The following BRD10 variants were observed in gnomAD, a reference collection of about 807,000 sequenced individuals.
BRD10 encodes bromodomain containing 10.
the BRD10 span, among the ~76,000 whole-genome samples, chr9:5,942,564 T>A: frequency 0.24 from 37,042 of 152,098 alleles, 4,674 homozygotes; most frequent in South Asian, 0.34. Context: ...TATTTGCTTT[T>A]TGCTATGTGG....
chr9:5,894,545 GTC>G, the BRD10 span, among the ~76,000 whole-genome samples: 1 of 152,190 alleles, frequency 6.6e-6, no homozygotes, highest in African/African-American at 2.4e-5. The surrounding 1 kb of genome is among the most constrained non-coding windows in gnomAD (Gnocchi z 4.0). Flanking sequence ...TGGTTCTGGT[GTC>G]TCAAGAGCTT....
At chr9:5,969,166 T>C in the BRD10 span, 1 of 1,613,746 alleles carries the variant, frequency 6.2e-7, no homozygotes, top group Non-Finnish European at 8.5e-7. Flanking sequence ...GTAAGGTAGG[T>C]CTGCGATGGG....
chr9:5,929,776 A>G, the BRD10 span, among the ~76,000 whole-genome samples: 1 of 152,118 alleles, frequency 6.6e-6, no homozygotes, highest in Admixed American at 6.5e-5. Flanking sequence ...ATCTAGAGAG[A>G]GCTCTAGCAT....
At chr9:6,005,508 A>AAAAT in the BRD10 span, among the ~76,000 whole-genome samples, 5 of 152,228 alleles carry the variant, frequency 3.3e-5, no homozygotes, top group Admixed American at 6.5e-5. Flanking sequence ...CAGAGAAAAT[A>AAAAT]AAATAAATAA....
At chr9:5,973,640 G>A in the BRD10 span, among the ~76,000 whole-genome samples, 1 of 152,158 alleles carries the variant, frequency 6.6e-6, no homozygotes, top group Admixed American at 6.5e-5. Context: ...TGTAATCCCA[G>A]CATTTTGGGA....
chr9:5,949,868 C>T, the BRD10 span, among the ~76,000 whole-genome samples: 1 of 152,040 alleles, frequency 6.6e-6, no homozygotes, highest in Admixed American at 6.6e-5. Context: ...ATTAGGAAAA[C>T]TGATATTCAC....
the BRD10 span, among the ~76,000 whole-genome samples, chr9:5,952,318 G>A: frequency 8.5e-5 from 13 of 152,092 alleles, no homozygotes; most frequent in Non-Finnish European, 1.5e-4. Context: ...ACTGGGCCCG[G>A]CCAAGACCAT....
the BRD10 span, among the ~76,000 whole-genome samples, chr9:5,889,881 A>C: frequency 6.6e-6 from 1 of 152,236 alleles, no homozygotes; most frequent in African/African-American, 2.4e-5. Flanking sequence ...ATGTCTAAGT[A>C]GGTCATATTC....
the BRD10 span, chr9:5,910,017 C>G: frequency 1.3e-5 from 2 of 152,168 alleles, no homozygotes; most frequent in African/African-American, 4.8e-5. Context: ...ACTATAACAA[C>G]GAAGATAATG....
the BRD10 span, among the ~76,000 whole-genome samples, chr9:5,918,122 TGAGTA>T: frequency 1.3e-5 from 2 of 152,128 alleles, no homozygotes; most frequent in Admixed American, 6.6e-5. Flanking sequence ...GAGAGTGACT[TGAGTA>T]GAGCATAAAC....
the BRD10 span, chr9:5,969,224 T>G: frequency 6.2e-7 from 1 of 1,613,752 alleles, no homozygotes; most frequent in Non-Finnish European, 8.5e-7. Context: ...AGCATTACAC[T>G]GAGGCATCAG....
At chr9:5,931,216 C>T in the BRD10 span, among the ~76,000 whole-genome samples, 126,368 of 152,058 alleles carry the variant, frequency 0.83, 53,332 homozygotes, top group Non-Finnish European at 0.93. Flanking sequence ...GGTAGTGTGG[C>T]GGGGGATGCA....
the BRD10 span, among the ~76,000 whole-genome samples, chr9:5,914,363 C>A: frequency 6.7e-6 from 1 of 148,966 alleles, no homozygotes; most frequent in Non-Finnish European, 1.5e-5. Flanking sequence ...TAAATTCAAG[C>A]CTGAAAGAAT....
the BRD10 span, among the ~76,000 whole-genome samples, chr9:6,000,449 A>G: frequency 1.1e-3 from 171 of 152,300 alleles, 1 homozygote; most frequent in African/African-American, 4.0e-3. Flanking sequence ...GAAAGCTAAA[A>G]TAAAACTATG....
chr9:5,907,812 G>C, the BRD10 span, among the ~76,000 whole-genome samples: 1 of 152,156 alleles, frequency 6.6e-6, no homozygotes, highest in Non-Finnish European at 1.5e-5. Flanking sequence ...AATTAGCCAA[G>C]CGTGGTGGTG....
the BRD10 span, among the ~76,000 whole-genome samples, chr9:5,944,427 A>G: frequency 1.3e-5 from 2 of 152,148 alleles, no homozygotes; most frequent in African/African-American, 2.4e-5. Context: ...TTAAAAAGTC[A>G]TATTGTTAAG....
At chr9:5,935,153 T>C in the BRD10 span, among the ~76,000 whole-genome samples, 1 of 152,186 alleles carries the variant, frequency 6.6e-6, no homozygotes, top group African/African-American at 2.4e-5. Context: ...AGCTCTAACA[T>C]GAACTATTAT....
At chr9:5,900,644 A>C in the BRD10 span, among the ~76,000 whole-genome samples, 1 of 152,182 alleles carries the variant, frequency 6.6e-6, no homozygotes, top group Non-Finnish European at 1.5e-5. Context: ...TCTACTTTTC[A>C]ACTTCCATTT....
At chr9:5,935,572 A>G in the BRD10 span, among the ~76,000 whole-genome samples, 1 of 152,222 alleles carries the variant, frequency 6.6e-6, no homozygotes, top group South Asian at 2.1e-4. Flanking sequence ...CAATAAATTG[A>G]TATTAAGCCA....
Sources: gnomAD v4.1 joint callset for allele counts (sites outside exome capture counted in the v4.1 genomes callset) on GRCh38, gnomAD v4.1.1 for gene constraint, Gnocchi (gnomAD v3.1) non-coding constraint, MANE v1.5 for transcripts, NCBI Gene and HGNC (gene_info 2026-07-23, HGNC 2026-07-21) for gene names.